CPNE4: variants seen among roughly 807,000 people sequenced by gnomAD.
The protein encoded by CPNE4 is copine-4.
A neutral mutation model predicts 67.9 loss-of-function variants in CPNE4; 25 were observed. The ratio of observed to expected loss-of-function variants is 0.37; its 90% confidence interval spans 0.27 to 0.51. The LOEUF (loss-of-function observed/expected upper bound fraction) is 0.51, where lower values mean the gene tolerates loss of function less well. CPNE4 is among the 20% of genes least tolerant of loss of function. The pLI is 0.93. For synonymous variants in CPNE4, 242 were observed against 244.9 expected (o/e 0.99, Z 0.11); for missense variants, 464 against 690.8 (o/e 0.67, Z 3.68).
chr3:131,951,247 G>C lies in CPNE4; in HGVS notation c.-1-45803C>G, dbSNP rs1300704262. ...TAAATTTATTTCTAGTTATTATAAA[G>C]ATTGTGTTATTATAATTTATGTGCT... On this transcript the variant is annotated intron_variant, in intron 1 of 15. Coordinates refer to ENST00000429747, the MANE Select transcript of CPNE4 (RefSeq NM_130808.3). 1.6e-4 allele frequency among the ~76,000 whole-genome samples: 25 copies of C among 152,212 alleles called. No individual in the cohort carries two copies. The East Asian group carries it at 4.8e-3, about 29-fold the overall frequency.
chr3:131,561,293 G>T (rs980758177), intron 11 of CPNE4, among the ~76,000 whole-genome samples: 1 of 151,918 alleles, frequency 6.6e-6, no homozygotes, highest in East Asian at 1.9e-4. Context: ...GGGAGACCAG[G>T]ATACAGGAGC....
chr3:131,980,753 T>G (rs539109889), intron 1 of CPNE4, among the ~76,000 whole-genome samples: 15 of 152,284 alleles, frequency 9.9e-5, no homozygotes, highest in African/African-American at 3.6e-4. Context: ...GTGTGATTTT[T>G]GGGGGTGTTC....
At chr3:131,591,431 C>T (rs995270583) in intron 7 of CPNE4, among the ~76,000 whole-genome samples, 2 of 152,206 alleles carry the variant, frequency 1.3e-5, no homozygotes, top group African/African-American at 4.8e-5. Context: ...TTCACCCCTT[C>T]ATTGCCCTCC....
chr3:131,632,107 G>A (rs1386734058), intron 7 of CPNE4, among the ~76,000 whole-genome samples: 1 of 150,978 alleles, frequency 6.6e-6, no homozygotes. Flanking sequence ...CCTCCTGGGC[G>A]CAAGTGATTC....
Position 131,807,530 on chromosome 3 carries a change from TG to T in CPNE4, c.181-83906del, listed in dbSNP as rs1226564920. On this transcript the variant is annotated intron_variant, in intron 2 of 15. Coordinates refer to ENST00000429747, the MANE Select transcript of CPNE4 (RefSeq NM_130808.3). ...TTTCCTCAATTTTTCTCTAAAACAA[TG>T]TAGTAGTGAATGTCCTAGTGTTAAC... Among the ~76,000 whole-genome samples, 17 of 152,224 alleles carry T rather than the reference TG, an allele frequency of 1.1e-4. No homozygotes were observed. In the East Asian group the frequency reaches 3.3e-3, roughly 29 times the overall value.
intron 1 of CPNE4, among the ~76,000 whole-genome samples, chr3:132,031,911 T>A (rs2074244507): frequency 6.6e-6 from 1 of 152,210 alleles, no homozygotes; most frequent in Non-Finnish European, 1.5e-5. Context: ...CAAAGCTTTT[T>A]TCTATTGTTT....
At chr3:131,654,054 T>C (rs1379178733) in intron 7 of CPNE4, among the ~76,000 whole-genome samples, 1 of 152,198 alleles carries the variant, frequency 6.6e-6, no homozygotes, top group Non-Finnish European at 1.5e-5. Flanking sequence ...GTTTTGGCCT[T>C]TATACTCAGA....
At chr3:131,722,491 T>G (rs896149968) in intron 3 of CPNE4, among the ~76,000 whole-genome samples, 1 of 149,244 alleles carries the variant, frequency 6.7e-6, no homozygotes, top group African/African-American at 2.4e-5. Flanking sequence ...TATTGCTTTC[T>G]TACTTGGAAG....
intron 7 of CPNE4, among the ~76,000 whole-genome samples, chr3:131,663,096 T>C (rs1311469436): frequency 6.6e-6 from 1 of 152,026 alleles, no homozygotes; most frequent in Non-Finnish European, 1.5e-5. Context: ...ATAAAGAAAA[T>C]GTGGCACATA....
chr3:131,592,531 G>A (rs904865125), intron 7 of CPNE4, among the ~76,000 whole-genome samples: 2 of 152,032 alleles, frequency 1.3e-5, no homozygotes, highest in Non-Finnish European at 2.9e-5. Flanking sequence ...CTTGGAGAGG[G>A]AATGTGACTT....
intron 1 of CPNE4, among the ~76,000 whole-genome samples, chr3:131,958,346 A>G (rs766996890): frequency 2.2e-4 from 33 of 152,228 alleles, no homozygotes; most frequent in Non-Finnish European, 4.4e-4. Context: ...CATCACACCA[A>G]TGGTCTCAGT....
intron 7 of CPNE4, among the ~76,000 whole-genome samples, chr3:131,662,838 A>G (rs2107644708): frequency 6.6e-6 from 1 of 152,360 alleles, no homozygotes; most frequent in South Asian, 2.1e-4. Context: ...GCTTGGAGAA[A>G]TAGGAACACT....
intron 3 of CPNE4, among the ~76,000 whole-genome samples, chr3:131,713,127 G>GC (rs1553757864): frequency 6.7e-6 from 1 of 149,128 alleles, no homozygotes; most frequent in Non-Finnish European, 1.5e-5. Flanking sequence ...TCCTGTAGCT[G>GC]TTTTTTTTTT....
In CPNE4 at chr3:131,662,287, G is replaced by A. The variant is rs1215762168; in HGVS notation, c.681+7388C>T. 2.6e-5 allele frequency among the ~76,000 whole-genome samples: 4 copies of A among 152,252 alleles called. No individual in the cohort carries two copies. In the East Asian group the frequency reaches 7.7e-4, roughly 29 times the overall value. ...TCAGAGAGGCCAAAGCAAAGACAGT[G>A]AATTTGTGGAGAAAATACAATTTCA... On this transcript the variant is annotated intron_variant, in intron 7 of 15. Transcript: ENST00000429747.
intron 2 of CPNE4, among the ~76,000 whole-genome samples, chr3:131,837,830 T>G (rs2085617340): frequency 6.6e-6 from 1 of 152,030 alleles, no homozygotes; most frequent in Non-Finnish European, 1.5e-5. Flanking sequence ...TATGATGTTC[T>G]CTTGGGGGAA....
At chr3:131,604,652 G>A (rs976827442) in intron 7 of CPNE4, among the ~76,000 whole-genome samples, 25 of 151,964 alleles carry the variant, frequency 1.6e-4, no homozygotes, top group Non-Finnish European at 4.4e-5. Context: ...CTCGAACATC[G>A]GACTCCATGT....
At chr3:131,963,382 C>A (rs544534832) in intron 1 of CPNE4, among the ~76,000 whole-genome samples, 2 of 152,042 alleles carry the variant, frequency 1.3e-5, no homozygotes, top group South Asian at 4.2e-4. Flanking sequence ...GCAACCCCAG[C>A]GAGACAGAAC....
At chr3:131,805,500 C>T (rs1322501604) in intron 2 of CPNE4, among the ~76,000 whole-genome samples, 1 of 152,168 alleles carries the variant, frequency 6.6e-6, no homozygotes, top group Non-Finnish European at 1.5e-5. Context: ...ATTATTATCT[C>T]ATACAGTCTG....
At chr3:131,739,460 T>C (rs1277041359) in intron 2 of CPNE4, among the ~76,000 whole-genome samples, 1 of 152,208 alleles carries the variant, frequency 6.6e-6, no homozygotes, top group Non-Finnish European at 1.5e-5. Flanking sequence ...TTCCTGTTTC[T>C]AAGGAACTGT....
Sources: allele counts gnomAD v4.1 joint callset (sites outside exome capture counted in the v4.1 genomes callset), GRCh38; gene constraint gnomAD v4.1.1; transcripts MANE v1.5; gene names NCBI Gene and HGNC (gene_info 2026-07-23, HGNC 2026-07-21).